The following CNTNAP5 variants were observed in gnomAD, a reference collection of about 807,000 sequenced individuals.
The protein encoded by CNTNAP5 is contactin associated protein family member 5.
In CNTNAP5, 72 loss-of-function variants were observed where a neutral mutation model predicts 150.2. The observed-to-expected ratio is 0.48, with a 90% confidence interval of 0.40 to 0.58. The LOEUF is 0.58. CNTNAP5 is among the 20% of genes least tolerant of loss of function. The pLI, the probability that CNTNAP5 is intolerant of heterozygous loss-of-function variation, is 0.00. For missense variants in CNTNAP5, 1,636 were observed against 1,626.2 expected (o/e 1.01, Z -0.10); for synonymous variants, 672 against 619.8 (o/e 1.08, Z -1.25).
At chr2:124,539,684 A>T (rs1695332798) in intron 10 of CNTNAP5, among the ~76,000 whole-genome samples, 1 of 152,212 alleles carries the variant, frequency 6.6e-6, no homozygotes, top group African/African-American at 2.4e-5. Flanking sequence ...GATCGGAAAG[A>T]AAAGTTCTTA....
chr2:124,828,654 T>G (rs1682648141), intron 19 of CNTNAP5, among the ~76,000 whole-genome samples: 1 of 141,940 alleles, frequency 7.0e-6, no homozygotes, highest in Non-Finnish European at 1.5e-5. Context: ...ATGGCTTCTC[T>G]ATAAGTATAA....
At chr2:124,763,828 C>G (rs754840774) in intron 15 of CNTNAP5, 29 bp downstream of exon 15, 2 of 1,612,182 alleles carry the variant, frequency 1.2e-6, no homozygotes, top group Admixed American at 1.7e-5. Context: ...GAAGCTTTCT[C>G]TCTGCATTAC....
At chr2:124,414,853 C>T (rs940345594) in intron 3 of CNTNAP5, among the ~76,000 whole-genome samples, 4 of 152,050 alleles carry the variant, frequency 2.6e-5, no homozygotes, top group African/African-American at 9.7e-5. Context: ...GACCTACGGA[C>T]TCACATGCCT....
At chr2:124,656,071 A>G (rs1678451192) in intron 13 of CNTNAP5, among the ~76,000 whole-genome samples, 3 of 152,092 alleles carry the variant, frequency 2.0e-5, no homozygotes, top group East Asian at 3.9e-4. Flanking sequence ...AAAAAAAAAA[A>G]AAAAAGAAAA....
intron 13 of CNTNAP5, among the ~76,000 whole-genome samples, chr2:124,658,613 T>C (rs1037803905): frequency 6.6e-6 from 1 of 152,192 alleles, no homozygotes; most frequent in South Asian, 2.1e-4. Flanking sequence ...GAACATACTT[T>C]CCTTACCGTG....
chr2:124,353,592 A>G (rs1689926969), intron 3 of CNTNAP5, among the ~76,000 whole-genome samples: 1 of 152,130 alleles, frequency 6.6e-6, no homozygotes, highest in African/African-American at 2.4e-5. Flanking sequence ...GAGAATTTGT[A>G]TTATCCTCTC....
rs368921834 is a variant in CNTNAP5, at chr2:124,903,033, G to A, written c.3588G>A (p.Thr1196=). 1.5e-4 allele frequency: 236 copies of A among 1,607,786 alleles called. No individual in the cohort carries two copies. Among genetic ancestry groups the A allele is most frequent in the Admixed American group, 3.9e-4 (23 of 59,258 alleles). The change falls in exon 22 of 24, where the codon ACG becomes ACA. Residue 1196 remains threonine, a synonymous_variant. Coordinates refer to ENST00000682447, the MANE Select transcript of CNTNAP5 (RefSeq NM_001367498.1). ...CTGTGACTGTCCATGGGACCTTGAC[G>A]GAATCCAGCTGTGGCTTCATGGTGG... The part of the protein sequence containing the change: ...VAPVTVHGTL[T]ESSCGFMVDS...
At chr2:124,601,626 A>G (rs1385099647) in intron 11 of CNTNAP5, among the ~76,000 whole-genome samples, 1 of 152,216 alleles carries the variant, frequency 6.6e-6, no homozygotes, top group East Asian at 1.9e-4. Flanking sequence ...ATTCTTAGAG[A>G]CATGAATGAA....
chr2:124,568,903 C>G (rs1303355802), intron 11 of CNTNAP5, among the ~76,000 whole-genome samples: 1 of 152,108 alleles, frequency 6.6e-6, no homozygotes, highest in Admixed American at 6.5e-5. Context: ...AAAAAATTAC[C>G]CTGGCGTGGC....
At chr2:124,625,838 A>G (rs1677710088) in intron 12 of CNTNAP5, among the ~76,000 whole-genome samples, 2 of 152,180 alleles carry the variant, frequency 1.3e-5, no homozygotes, top group South Asian at 4.1e-4. Flanking sequence ...CAAGAAAATA[A>G]AGCCATCCAT....
intron 19 of CNTNAP5, among the ~76,000 whole-genome samples, chr2:124,851,040 G>GGAGCAGAGAAATGTGACATT (rs1207357312): frequency 2.6e-5 from 4 of 152,124 alleles, no homozygotes; most frequent in Admixed American, 6.5e-5. Context: ...AAACCATCAG[G>GGAGCAGAGAAATGTGACATT]GAGCAGAGAA....
intron 14 of CNTNAP5, among the ~76,000 whole-genome samples, chr2:124,752,849 T>C (rs900518193): frequency 1.3e-5 from 2 of 152,036 alleles, no homozygotes; most frequent in African/African-American, 4.8e-5. Flanking sequence ...AGTGTTGGGC[T>C]GTGTGGAAGG....
chr2:124,263,672 T>G (rs1489089024), intron 3 of CNTNAP5, among the ~76,000 whole-genome samples: 3 of 152,230 alleles, frequency 2.0e-5, no homozygotes, highest in African/African-American at 7.2e-5. Context: ...ATTTGTCAAT[T>G]TTGGCTTTTG....
chr2:124,865,341 G>A lies in CNTNAP5; in HGVS notation c.3253G>A (p.Glu1085Lys). The A allele has an allele frequency of 6.4e-7, 1 of 1,565,114 alleles. No individual in the cohort carries two copies. Among genetic ancestry groups the A allele is most frequent in the African/African-American group, 1.4e-5 (1 of 73,918 alleles). ...LQVRYHLNKE[E>K]THVFTIDADN... ...GGTTCGCTATCACCTAAACAAGGAA[G>A]AAACCCATGTATTCACCATTGATGC... The change falls in exon 20 of 24, where the codon GAA (glutamate) becomes AAA (lysine). Residue 1085 changes from glutamate (E) to lysine (K), a missense_variant. By Grantham distance (56) the Glu-to-Lys change is moderately conservative. Transcript: ENST00000682447.
At chr2:124,198,004 A>G (rs1181428356) in intron 1 of CNTNAP5, among the ~76,000 whole-genome samples, 5 of 151,658 alleles carry the variant, frequency 3.3e-5, no homozygotes, top group Non-Finnish European at 7.4e-5. Context: ...AATAAAAATA[A>G]TAATAATAAT....
chr2:124,818,031 T>A (rs1010873469), intron 19 of CNTNAP5, among the ~76,000 whole-genome samples: 4 of 152,166 alleles, frequency 2.6e-5, no homozygotes, highest in Admixed American at 2.6e-4. Context: ...TGTTTTCACT[T>A]GGCAATTGTG....
chr2:124,078,968 C>T (rs550717979), intron 1 of CNTNAP5, among the ~76,000 whole-genome samples: 6 of 152,262 alleles, frequency 3.9e-5, no homozygotes, highest in Admixed American at 3.3e-4. Flanking sequence ...TACATCTAAA[C>T]GAAAACCACC....
At chr2:124,742,619 C>T (rs1010070216) in intron 13 of CNTNAP5, among the ~76,000 whole-genome samples, 12 of 141,054 alleles carry the variant, frequency 8.5e-5, no homozygotes, top group East Asian at 2.0e-4. Flanking sequence ...ACATATTACA[C>T]GCACAGACAC....
intron 3 of CNTNAP5, among the ~76,000 whole-genome samples, chr2:124,390,664 C>G (rs1691087768): frequency 6.6e-6 from 1 of 152,132 alleles, no homozygotes; most frequent in Non-Finnish European, 1.5e-5. Context: ...ACAGAAAATG[C>G]CCATTTAGCT....
Sources: allele counts gnomAD v4.1 joint callset (sites outside exome capture counted in the v4.1 genomes callset), GRCh38; gene constraint gnomAD v4.1.1; transcripts MANE v1.5; gene names NCBI Gene and HGNC (gene_info 2026-07-23, HGNC 2026-07-21).